EHMT1: variants seen among roughly 807,000 people sequenced by gnomAD.
EHMT1 encodes the protein histone-lysine N-methyltransferase EHMT1.
Under a neutral mutation model 147.2 loss-of-function variants are expected in EHMT1, and 15 were observed. That is an observed-to-expected ratio of 0.10 (90% CI 0.07 to 0.16). The LOEUF (loss-of-function observed/expected upper bound fraction) is 0.16, where lower values mean the gene tolerates loss of function less well. Ranked by LOEUF, EHMT1 falls within the 10% of genes least tolerant of loss-of-function variation. EHMT1 has a pLI of 1.00. For synonymous variants in EHMT1, 795 were observed against 709.6 expected, an observed-to-expected ratio of 1.12 and a Z score of -1.91; for missense variants, 1,587 against 1,772.4, an observed-to-expected ratio of 0.90 and a Z score of 1.88.
chr9:137,657,731 A>C (rs1474804035), intron 1 of EHMT1, among the ~76,000 whole-genome samples: 1 of 151,954 alleles, frequency 6.6e-6, no homozygotes, highest in Non-Finnish European at 1.5e-5. Flanking sequence ...GACTCTGGTC[A>C]CTTTGCTGTG....
At chr9:137,791,466 T>C (rs764939405) in intron 16 of EHMT1, among the ~76,000 whole-genome samples, 2 of 152,144 alleles carry the variant, frequency 1.3e-5, no homozygotes, top group Admixed American at 6.5e-5. Context: ...ATACTTTGAA[T>C]GAAGTATTCA....
chr9:137,743,190 A>G (rs1948255084), intron 4 of EHMT1, 181 bp from the exon 5 acceptor site: 2 of 642,556 alleles, frequency 3.1e-6, no homozygotes, highest in East Asian at 2.9e-5. Context: ...CTGTGAATTG[A>G]TCGTGAGGGA....
intron 15 of EHMT1, chr9:137,785,750 A>G (rs1951908371): frequency 1.3e-5 from 2 of 152,210 alleles, no homozygotes; most frequent in Admixed American, 6.5e-5. Flanking sequence ...TGGTTAACAA[A>G]TCATCCTACT....
chr9:137,763,024 AAGG>A, intron 10 of EHMT1: 1 of 680,614 alleles, frequency 1.5e-6, no homozygotes. Context: ...GCTTGTTAAA[AAGG>A]AGGACTGTGT....
chr9:137,663,969 TAATA>T (rs1939358179), intron 1 of EHMT1, among the ~76,000 whole-genome samples: 1 of 152,254 alleles, frequency 6.6e-6, no homozygotes, highest in Non-Finnish European at 1.5e-5. Flanking sequence ...AGTATATGCA[TAATA>T]AATTCTGCAA....
intron 6 of EHMT1, among the ~76,000 whole-genome samples, chr9:137,751,873 T>C (rs981889777): frequency 1.3e-5 from 2 of 152,182 alleles, no homozygotes; most frequent in African/African-American, 4.8e-5. Flanking sequence ...ACTGGGATCA[T>C]GGGTGTGTGG....
intron 1 of EHMT1, among the ~76,000 whole-genome samples, chr9:137,625,027 T>C (rs376848264): frequency 9.9e-5 from 15 of 151,776 alleles, no homozygotes; most frequent in East Asian, 5.8e-4. Context: ...GATTACAGGC[T>C]CCTGCCACCC....
At chr9:137,807,519 T>G (rs750142270) in intron 18 of EHMT1, among the ~76,000 whole-genome samples, 1 of 151,334 alleles carries the variant, frequency 6.6e-6, no homozygotes, top group Admixed American at 6.6e-5. Context: ...ATTTATTTGT[T>G]TATTTTAAGG....
rs1408206069 is a variant in EHMT1, at chr9:137,834,854, GAGCGCGGCCCTGGCCCAGCGTCAGGCC to G, written c.3809_3835del (p.Leu1270_Ala1278del). ...GCGGCTCCCCCAAGTGCCGGCACTC[GAGCGCGGCCCTGGCCCAGCGTCAGGCC>G]AGCGCGGCCCAGGAGGCCCAGGAGG... On this transcript the variant is annotated inframe_deletion, in exon 27 of 27. Transcript: ENST00000460843. 3 of 1,611,944 alleles carry G rather than the reference GAGCGCGGCCCTGGCCCAGCGTCAGGCC, an allele frequency of 1.9e-6. No individual in the cohort carries two copies. The highest frequency in any genetic ancestry group is 2.5e-6 in the Non-Finnish European group (3 of 1,179,534).
At chr9:137,675,630 ATTTTTTTTT>A (rs61666243) in intron 1 of EHMT1, among the ~76,000 whole-genome samples, 1 of 105,760 alleles carries the variant, frequency 9.5e-6, no homozygotes, top group African/African-American at 4.2e-5. Flanking sequence ...CGCCCGGCTA[ATTTTTTTTT>A]TTTTTTTTTT....
intron 6 of EHMT1, among the ~76,000 whole-genome samples, chr9:137,748,338 G>A (rs899397733): frequency 1.3e-5 from 2 of 152,138 alleles, no homozygotes; most frequent in South Asian, 2.1e-4. Context: ...CAGAGTGTGC[G>A]GGGCCTTAGG....
At chr9:137,697,720 C>T (rs1194453609) in intron 1 of EHMT1, among the ~76,000 whole-genome samples, 1 of 152,164 alleles carries the variant, frequency 6.6e-6, no homozygotes, top group Non-Finnish European at 1.5e-5. Flanking sequence ...AGCCAAATTA[C>T]AAGAAGTCTT....
chr9:137,827,921 G>A (rs187025760), intron 25 of EHMT1, among the ~76,000 whole-genome samples: 21 of 152,326 alleles, frequency 1.4e-4, no homozygotes, highest in Non-Finnish European at 2.8e-4. Context: ...AGCCCTCAGC[G>A]GTGTCCGTTC....
At chr9:137,822,869 G>C (rs185430492) in intron 25 of EHMT1, among the ~76,000 whole-genome samples, 11 of 149,686 alleles carry the variant, frequency 7.3e-5, no homozygotes, top group Admixed American at 5.9e-4. Flanking sequence ...CTGTAGGCCT[G>C]GGCAACAAGA....
chr9:137,630,085 A>G (rs1186524056), intron 1 of EHMT1, among the ~76,000 whole-genome samples: 2 of 152,200 alleles, frequency 1.3e-5, no homozygotes, highest in Admixed American at 6.5e-5. Context: ...CAGGAACATC[A>G]CTGTGAGCTG....
chr9:137,649,137 G>A (rs1353421353), intron 1 of EHMT1, among the ~76,000 whole-genome samples: 1 of 151,756 alleles, frequency 6.6e-6, no homozygotes, highest in Non-Finnish European at 1.5e-5. Flanking sequence ...AGATCCACCC[G>A]TGACTTCAGA....
At chr9:137,741,010 T>C (rs1948017606) in intron 4 of EHMT1, among the ~76,000 whole-genome samples, 1 of 149,674 alleles carries the variant, frequency 6.7e-6, no homozygotes, top group African/African-American at 2.5e-5. Flanking sequence ...AGAGTCTCGC[T>C]GTGTTGCCCA....
In EHMT1 at chr9:137,788,314, C is replaced by CA. The variant is rs1952164459; in HGVS notation, c.2383-2533dup. On this transcript the variant is annotated intron_variant, in intron 15 of 26. Coordinates refer to ENST00000460843, the MANE Select transcript of EHMT1 (RefSeq NM_024757.5). ...CCGAGCGGCTGGTAGGACTGGCATG[C>CA]AGCACTCAGGGGGCCCAGGACGTTG... 1.5e-5 allele frequency: 6 copies of CA among 404,252 alleles called. No homozygotes were observed. In the South Asian group the frequency reaches 4.4e-4, roughly 29 times the overall value. 25.0% of individuals were successfully genotyped at this position (404,252 alleles called of 1,614,324 possible).
chr9:137,636,745 T>C (rs769855903), intron 1 of EHMT1, among the ~76,000 whole-genome samples: 1 of 152,190 alleles, frequency 6.6e-6, no homozygotes, highest in Non-Finnish European at 1.5e-5. Context: ...CATTTGGGTA[T>C]GTTATCTAAT....
Sources: gnomAD v4.1 joint callset for allele counts (sites outside exome capture counted in the v4.1 genomes callset) on GRCh38, gnomAD v4.1.1 for gene constraint, MANE v1.5 for transcripts, NCBI Gene and HGNC (gene_info 2026-07-23, HGNC 2026-07-21) for gene names.